Variants in CDC123 observed in about 807,000 individuals in gnomAD.
CDC123 encodes the protein cell division cycle 123.
Under a neutral mutation model 54.4 loss-of-function variants are expected in CDC123, and 37 were observed. The ratio of observed to expected loss-of-function variants is 0.68; its 90% CI spans 0.52 to 0.89. The LOEUF (loss-of-function observed/expected upper bound fraction) is 0.89. Ranked by LOEUF, CDC123 falls within the 40% of genes least tolerant of loss-of-function variation. The probability of loss-of-function intolerance (pLI) is 0.00; values close to 1 mark genes in which losing one functional copy is unlikely to be tolerated. For missense variants in CDC123, 361 were observed against 412.1 expected (o/e 0.88, Z 1.07); for synonymous variants, 144 against 136.8 (o/e 1.05, Z -0.37).
At chr10:12,248,471 C>T (rs1171311138) in intron 11 of CDC123, among the ~76,000 whole-genome samples, 2 of 146,362 alleles carry the variant, frequency 1.4e-5, no homozygotes, top group African/African-American at 2.6e-5. Context: ...AAGATCACGC[C>T]ATTGCACTCC....
At chr10:12,199,620 A>G (rs1835412348) in intron 2 of CDC123, among the ~76,000 whole-genome samples, 1 of 152,112 alleles carries the variant, frequency 6.6e-6, no homozygotes, top group Non-Finnish European at 1.5e-5. Flanking sequence ...TTTCAGTACT[A>G]CTAACTGGAC....
intron 6 of CDC123, among the ~76,000 whole-genome samples, chr10:12,227,578 A>G (rs1010568385): frequency 6.6e-6 from 1 of 151,740 alleles, no homozygotes; most frequent in Non-Finnish European, 1.5e-5. Flanking sequence ...GATCACTGCA[A>G]CCTTCAACTC....
At chr10:12,229,915 A>C (rs1255603213) in intron 6 of CDC123, among the ~76,000 whole-genome samples, 1 of 152,230 alleles carries the variant, frequency 6.6e-6, no homozygotes, top group East Asian at 1.9e-4. Context: ...AGAGAGAAGT[A>C]GGCTGCTGGC....
chr10:12,196,444 G>C, intron 1 of CDC123, 125 bp downstream of exon 1: 1 of 1,264,006 alleles, frequency 7.9e-7, no homozygotes, highest in Non-Finnish European at 1.1e-6. Context: ...TGTGTCGAGA[G>C]GGAAGTACAT....
At chr10:12,210,166 A>G (rs1835578302) in intron 3 of CDC123, 124 bp from the exon 4 acceptor site, 5 of 1,438,142 alleles carry the variant, frequency 3.5e-6, no homozygotes, top group African/African-American at 1.4e-5. Flanking sequence ...ATATTTTCAC[A>G]TATGCTGTAT....
At chr10:12,210,423 C>A in intron 4 of CDC123, 101 bp downstream of exon 4, 1 of 1,375,666 alleles carries the variant, frequency 7.3e-7, no homozygotes, top group Non-Finnish European at 1.0e-6. Context: ...CCTAGTCAGT[C>A]ACCATCTCAT....
chr10:12,238,536 A>T, intron 10 of CDC123, 51 bp downstream of exon 10: 1 of 1,584,866 alleles, frequency 6.3e-7, no homozygotes, highest in Non-Finnish European at 8.6e-7. Context: ...TGGTTTTATA[A>T]GCAGGCAGAG....
At chr10:12,239,112 G>A (rs34428576) in intron 10 of CDC123, among the ~76,000 whole-genome samples, 25,456 of 151,812 alleles carry the variant, frequency 0.17, 2,254 homozygotes, top group East Asian at 0.33. Context: ...CCTTGATTGC[G>A]CCACTGCTCT....
chr10:12,227,110 G>C (rs2131749888), intron 6 of CDC123, among the ~76,000 whole-genome samples: 1 of 152,296 alleles, frequency 6.6e-6, no homozygotes, highest in South Asian at 2.1e-4. Flanking sequence ...ACGAAAACCA[G>C]TCAGGCGTGG....
At chr10:12,210,787 G>A (rs561176657) in intron 4 of CDC123, among the ~76,000 whole-genome samples, 67 of 152,066 alleles carry the variant, frequency 4.4e-4, no homozygotes, top group Non-Finnish European at 9.1e-4. Context: ...TGCAACCTCC[G>A]CCTCCCAGGT....
chr10:12,207,086 G>C (rs1384839012), intron 2 of CDC123, among the ~76,000 whole-genome samples: 5 of 151,282 alleles, frequency 3.3e-5, no homozygotes, highest in Non-Finnish European at 7.4e-5. Flanking sequence ...TAATTTTCCT[G>C]TTTCAGGATA....
At chr10:12,206,075 C>T (rs1835515480) in intron 2 of CDC123, among the ~76,000 whole-genome samples, 1 of 152,228 alleles carries the variant, frequency 6.6e-6, no homozygotes, top group Admixed American at 6.5e-5. Context: ...GCTGGGATTA[C>T]AGGCGTGAGC....
chr10:12,244,025 G>A (rs1248704333), intron 10 of CDC123, among the ~76,000 whole-genome samples: 1 of 152,160 alleles, frequency 6.6e-6, no homozygotes, highest in Non-Finnish European at 1.5e-5. Context: ...CTCTCCTGGG[G>A]CTTGTATAAA....
At chr10:12,241,017 C>T (rs1836050566) in intron 10 of CDC123, among the ~76,000 whole-genome samples, 1 of 152,126 alleles carries the variant, frequency 6.6e-6, no homozygotes, top group Non-Finnish European at 1.5e-5. Context: ...AGAGGTTACA[C>T]CTGACCAGAT....
intron 1 of CDC123, among the ~76,000 whole-genome samples, chr10:12,197,619 C>T (rs910893546): frequency 6.6e-6 from 1 of 151,864 alleles, no homozygotes; most frequent in African/African-American, 2.4e-5. Context: ...CCTCGTGATC[C>T]GCCCGCCTCG....
chr10:12,228,247 G>A (rs138246318), intron 6 of CDC123, among the ~76,000 whole-genome samples: 4,225 of 152,028 alleles, frequency 0.028, 92 homozygotes, highest in Non-Finnish European at 0.037. Context: ...AATTTTTATT[G>A]ACGTAAAATA....
chr10:12,239,963 G>A (rs368902963), intron 10 of CDC123, among the ~76,000 whole-genome samples: 85 of 147,568 alleles, frequency 5.8e-4, no homozygotes, highest in African/African-American at 2.0e-3. Flanking sequence ...AGCCGAGATC[G>A]CGCCACTGCA....
intron 2 of CDC123, among the ~76,000 whole-genome samples, chr10:12,200,119 C>CCTTTTTTTTTTT (rs1564431631): frequency 2.1e-4 from 5 of 24,280 alleles, no homozygotes; most frequent in African/African-American, 5.7e-4. Context: ...CCGCACTCGG[C>CCTTTTTTTTTTT]ATTTTTTTTT....
chr10:12,233,810 A>G (rs1835938292), intron 7 of CDC123, among the ~76,000 whole-genome samples: 1 of 152,040 alleles, frequency 6.6e-6, no homozygotes, highest in Admixed American at 6.5e-5. Flanking sequence ...TTTTTAATAC[A>G]TTGAGAGTGC....
Sources: allele counts gnomAD v4.1 joint callset (sites outside exome capture counted in the v4.1 genomes callset), GRCh38; gene constraint gnomAD v4.1.1; transcripts MANE v1.5; gene names NCBI Gene and HGNC (gene_info 2026-07-23, HGNC 2026-07-21).